Variants in UST observed in about 807,000 individuals in gnomAD.
The protein encoded by UST is uronyl 2-sulfotransferase.
A neutral mutation model predicts 45.6 loss-of-function variants in UST; 21 were observed. The ratio of observed to expected loss-of-function variants is 0.46; its 90% confidence interval spans 0.33 to 0.66. UST has a LOEUF of 0.66. Among genes scored for constraint, UST ranks in the 30% least tolerant of loss-of-function variants. The probability of loss-of-function intolerance (pLI) is 0.02; values close to 1 mark genes in which losing one functional copy is unlikely to be tolerated. For synonymous variants in UST, 215 were observed against 200.6 expected (o/e 1.07, Z -0.61); for missense variants, 463 against 512.4 (o/e 0.90, Z 0.93).
intron 1 of UST, among the ~76,000 whole-genome samples, chr6:148,855,379 A>G (rs901494981): frequency 6.6e-6 from 1 of 152,150 alleles, no homozygotes; most frequent in Admixed American, 6.5e-5. Context: ...CTTTCTCACC[A>G]GGGGAGGATT....
At chr6:149,052,901 C>T (rs1776508818) in intron 7 of UST, among the ~76,000 whole-genome samples, 1 of 152,130 alleles carries the variant, frequency 6.6e-6, no homozygotes, top group Admixed American at 6.5e-5. Context: ...TCAGTCATGT[C>T]AGCAACTTTG....
At chr6:148,829,799 A>C (rs1777647388) in intron 1 of UST, among the ~76,000 whole-genome samples, 1 of 152,210 alleles carries the variant, frequency 6.6e-6, no homozygotes, top group Non-Finnish European at 1.5e-5. Context: ...CTCAAAACAC[A>C]AAACAATTTT....
At chr6:148,964,764 T>A in intron 5 of UST, 1 of 635,108 alleles carries the variant, frequency 1.6e-6, no homozygotes, top group Non-Finnish European at 2.7e-6. Context: ...GAACATTTCC[T>A]CAAATTATTT....
intron 7 of UST, among the ~76,000 whole-genome samples, chr6:149,022,134 A>G (rs1358656331): frequency 6.6e-6 from 1 of 152,102 alleles, no homozygotes; most frequent in Non-Finnish European, 1.5e-5. Context: ...TCCATCATTT[A>G]TTTTTTCATT....
chr6:149,043,829 G>A (rs552388653), intron 7 of UST, among the ~76,000 whole-genome samples: 2 of 152,358 alleles, frequency 1.3e-5, no homozygotes, highest in East Asian at 3.9e-4. Context: ...GTTTGCCTAA[G>A]TATAATAGGG....
chr6:148,921,111 A>G (rs1779697113), intron 2 of UST, among the ~76,000 whole-genome samples: 1 of 152,226 alleles, frequency 6.6e-6, no homozygotes, highest in African/African-American at 2.4e-5. Flanking sequence ...AATTAGTTCT[A>G]ACAAGGAAGG....
At chr6:148,964,735 G>A in intron 5 of UST, 172 bp downstream of exon 5, 1 of 735,970 alleles carries the variant, frequency 1.4e-6, no homozygotes, top group South Asian at 1.9e-5. Flanking sequence ...AACTGGTTCC[G>A]GGTGACCCAG....
At chr6:148,878,014 G>A in intron 1 of UST, among the ~76,000 whole-genome samples, 2 of 127,300 alleles carry the variant, frequency 1.6e-5, no homozygotes, top group African/African-American at 3.1e-5. Context: ...GAGTGTAGGG[G>A]TCATGTACGA....
intron 1 of UST, among the ~76,000 whole-genome samples, chr6:148,828,528 A>G (rs915550426): frequency 2.0e-5 from 3 of 152,112 alleles, no homozygotes; most frequent in Non-Finnish European, 4.4e-5. Context: ...AAGAGCACAG[A>G]CTCTGGAACC....
intron 7 of UST, among the ~76,000 whole-genome samples, chr6:149,029,386 GTA>G (rs1476494860): frequency 7.0e-6 from 1 of 143,058 alleles, no homozygotes; most frequent in Non-Finnish European, 1.5e-5. Flanking sequence ...TGTATATATT[GTA>G]TGTTATATAT....
chr6:148,875,271 G>T (rs542878947), intron 1 of UST, among the ~76,000 whole-genome samples: 2 of 152,178 alleles, frequency 1.3e-5, no homozygotes, highest in Non-Finnish European at 2.9e-5. Context: ...AGGCTTCAGA[G>T]TCAAGAATAA....
chr6:148,836,335 A>G (rs1777784985), intron 1 of UST, among the ~76,000 whole-genome samples: 1 of 152,104 alleles, frequency 6.6e-6, no homozygotes, highest in Non-Finnish European at 1.5e-5. Context: ...ATTTTTTCTT[A>G]TGTCTGGCTC....
At chr6:148,985,135 A>T (rs1343518978) in intron 5 of UST, among the ~76,000 whole-genome samples, 1 of 152,190 alleles carries the variant, frequency 6.6e-6, no homozygotes, top group Non-Finnish European at 1.5e-5. Flanking sequence ...GTACATATGA[A>T]TGGAGACACC....
At chr6:148,917,618 G>A (rs1390166143) in intron 2 of UST, among the ~76,000 whole-genome samples, 7 of 152,190 alleles carry the variant, frequency 4.6e-5, no homozygotes, top group Admixed American at 1.3e-4. Context: ...GGCCAAATAC[G>A]TATTACGACA....
At chr6:148,827,314 C>G (rs984118838) in intron 1 of UST, among the ~76,000 whole-genome samples, 10 of 152,024 alleles carry the variant, frequency 6.6e-5, no homozygotes, top group African/African-American at 2.4e-4. Context: ...GAGTCTGTAG[C>G]CTTTCATTGA....
chr6:148,792,714 G>A (rs1019375212), intron 1 of UST, among the ~76,000 whole-genome samples: 3 of 152,106 alleles, frequency 2.0e-5, no homozygotes, highest in African/African-American at 7.2e-5. Flanking sequence ...CTATATGTGG[G>A]GAGAGACAAA....
At chr6:148,864,512 G>C (rs542727602) in intron 1 of UST, among the ~76,000 whole-genome samples, 1 of 152,164 alleles carries the variant, frequency 6.6e-6, no homozygotes, top group African/African-American at 2.4e-5. Flanking sequence ...TCCACTGTCC[G>C]ACAAGCCCCA....
chr6:148,874,749 A>G (rs1037237627), intron 1 of UST, among the ~76,000 whole-genome samples: 7 of 152,240 alleles, frequency 4.6e-5, no homozygotes, highest in African/African-American at 9.6e-5. Context: ...ATTATAAGCA[A>G]TGGAGCTGCT....
intron 1 of UST, among the ~76,000 whole-genome samples, chr6:148,844,683 T>G (rs980626969): frequency 6.6e-6 from 1 of 152,204 alleles, no homozygotes; most frequent in African/African-American, 2.4e-5. Flanking sequence ...TGCTTTTATT[T>G]TAGATACAGG....
Sources: allele counts gnomAD v4.1 joint callset (sites outside exome capture counted in the v4.1 genomes callset), GRCh38; gene constraint gnomAD v4.1.1; transcripts MANE v1.5; gene names NCBI Gene and HGNC (gene_info 2026-07-23, HGNC 2026-07-21).